ANKH: variants seen among roughly 807,000 people sequenced by gnomAD.
ANKH encodes the protein mineralization regulator ANKH.
Under a neutral mutation model 49.0 loss-of-function variants are expected in ANKH, and 15 were observed. The ratio of observed to expected loss-of-function variants is 0.31; its 90% confidence interval spans 0.20 to 0.47. ANKH has a LOEUF of 0.47. Ranked by LOEUF, ANKH falls within the 20% of genes least tolerant of loss-of-function variation. The pLI is 1.00. For synonymous variants in ANKH, 273 were observed against 260.0 expected (o/e 1.05, Z -0.48); for missense variants, 429 against 652.0 (o/e 0.66, Z 3.72).
At chr5:14,816,810 A>G (rs1483924330) in intron 1 of ANKH, among the ~76,000 whole-genome samples, 2 of 152,192 alleles carry the variant, frequency 1.3e-5, no homozygotes, top group Non-Finnish European at 2.9e-5. Context: ...AGCTTTGGCC[A>G]GGATGAACAC....
chr5:14,843,238 C>A (rs1369576404), intron 1 of ANKH, among the ~76,000 whole-genome samples: 2 of 148,564 alleles, frequency 1.3e-5, no homozygotes, highest in Non-Finnish European at 3.0e-5. Context: ...TGCAATGGCA[C>A]AATTTTGGCT....
At chr5:14,774,169 C>T (rs1489071405) in intron 1 of ANKH, among the ~76,000 whole-genome samples, 1 of 152,178 alleles carries the variant, frequency 6.6e-6, no homozygotes, top group East Asian at 1.9e-4. Context: ...TCTTTTGATA[C>T]CAGAAACATT....
rs564580056 is a variant in ANKH at position 14,743,698 on chromosome 5, C to T, written c.916-1776G>A. 2.0e-3 allele frequency among the ~76,000 whole-genome samples: 309 copies of T among 152,292 alleles called. 1 individual carries two copies. Among genetic ancestry groups the T allele is most frequent in the African/African-American group, 7.1e-3 (295 of 41,558 alleles). On this transcript the variant is annotated intron_variant, in intron 7 of 11. Coordinates refer to ENST00000284268, the MANE Select transcript of ANKH (RefSeq NM_054027.6). Reference sequence around the variant, plus strand: ...GGTGCCTAAGATTTTGGTGAATAGACGGCATTCATATAAATGGCTGGTGTA... The same window carrying T: ...GGTGCCTAAGATTTTGGTGAATAGATGGCATTCATATAAATGGCTGGTGTA...
intron 1 of ANKH, among the ~76,000 whole-genome samples, chr5:14,793,005 T>TAAAAATATATATATATATAA (rs1554006416): frequency 1.7e-5 from 1 of 60,292 alleles, no homozygotes; most frequent in East Asian, 3.0e-4. Context: ...TATATATATA[T>TAAAAATATATATATATATAA]AAATATATAT....
At chr5:14,858,600 C>T (rs1580121886) in intron 1 of ANKH, among the ~76,000 whole-genome samples, 2 of 152,124 alleles carry the variant, frequency 1.3e-5, no homozygotes, top group Middle Eastern at 6.8e-3. Context: ...CCTGTAGTCC[C>T]AGCTACTCGG....
intron 1 of ANKH, among the ~76,000 whole-genome samples, chr5:14,812,117 T>TAAAAA (rs55728743): frequency 2.4e-5 from 3 of 126,532 alleles, no homozygotes; most frequent in African/African-American, 6.0e-5. Context: ...GTATTTATCT[T>TAAAAA]AAAAAAAAAA....
At chr5:14,847,594 C>T (rs1357358180) in intron 1 of ANKH, among the ~76,000 whole-genome samples, 1 of 152,200 alleles carries the variant, frequency 6.6e-6, no homozygotes, top group Admixed American at 6.5e-5. Context: ...TTAGTAAAAA[C>T]TGCATGGGGC....
intron 1 of ANKH, among the ~76,000 whole-genome samples, chr5:14,804,638 T>TA (rs1166567128): frequency 6.6e-6 from 1 of 152,200 alleles, no homozygotes; most frequent in African/African-American, 2.4e-5. Flanking sequence ...GAAAATAGAA[T>TA]AAAATGTTGT....
intron 1 of ANKH, among the ~76,000 whole-genome samples, chr5:14,772,869 G>A (rs972782999): frequency 6.6e-6 from 1 of 152,182 alleles, no homozygotes; most frequent in Admixed American, 6.5e-5. Flanking sequence ...ATTATGCATC[G>A]GTGAAACTCA....
At chr5:14,852,028 T>C (rs920725837) in intron 1 of ANKH, among the ~76,000 whole-genome samples, 3 of 152,234 alleles carry the variant, frequency 2.0e-5, no homozygotes, top group Non-Finnish European at 2.9e-5. Flanking sequence ...ACACCTATAA[T>C]TCCAGCACTT....
chr5:14,742,363 C>T (rs1738388194), intron 7 of ANKH, among the ~76,000 whole-genome samples: 1 of 152,240 alleles, frequency 6.6e-6, no homozygotes, highest in Non-Finnish European at 1.5e-5. Flanking sequence ...ATAAATTCCA[C>T]TGGGCATTCA....
intron 1 of ANKH, among the ~76,000 whole-genome samples, chr5:14,817,337 A>G (rs555929497): frequency 4.6e-5 from 7 of 152,324 alleles, no homozygotes; most frequent in East Asian, 1.9e-4. Context: ...ACTGCTAAAC[A>G]TGAGTGGAAA....
In ANKH at chr5:14,705,429, A is replaced by G. The variant is rs145549693; in HGVS notation, c.*5768T>C. The G allele has an allele frequency of 2.0e-4, 30 of 152,370 alleles. No individual in the cohort carries two copies. The East Asian group carries it at 4.4e-3, about 22-fold the overall frequency. The allele number at this position is 152,370 out of a possible 1,614,324, so 9.4% of individuals were successfully genotyped here. ...GTTAGATCAGGAAGGGGCCTTAGCA[A>G]TAATGGCTCAAGCCTCCCATTGGAC... On this transcript the variant is annotated 3_prime_UTR_variant, in exon 12 of 12. Coordinates refer to ENST00000284268, the MANE Select transcript of ANKH (RefSeq NM_054027.6).
intron 1 of ANKH, among the ~76,000 whole-genome samples, chr5:14,771,820 C>A (rs1739437213): frequency 6.7e-6 from 1 of 148,858 alleles, no homozygotes; most frequent in South Asian, 2.1e-4. Context: ...ACTCGGGAGG[C>A]TGAGAGTCAC....
chr5:14,803,425 A>G (rs1740620451), intron 1 of ANKH, among the ~76,000 whole-genome samples: 1 of 151,930 alleles, frequency 6.6e-6, no homozygotes, highest in South Asian at 2.1e-4. Context: ...GACTACAGGC[A>G]CGCACCACCA....
At chr5:14,840,191 T>C (rs1316922193) in intron 1 of ANKH, among the ~76,000 whole-genome samples, 1 of 152,228 alleles carries the variant, frequency 6.6e-6, no homozygotes, top group Non-Finnish European at 1.5e-5. Context: ...AGAGATCCAA[T>C]GCTCTTCTAT....
intron 9 of ANKH, among the ~76,000 whole-genome samples, chr5:14,714,602 T>C (rs1213536335): frequency 6.6e-6 from 1 of 152,156 alleles, no homozygotes; most frequent in Non-Finnish European, 1.5e-5. Context: ...TGTCCTGCCT[T>C]CCTCTGGGTG....
chr5:14,866,807 AC>A (rs1735658362), intron 1 of ANKH, among the ~76,000 whole-genome samples: 1 of 152,166 alleles, frequency 6.6e-6, no homozygotes, highest in African/African-American at 2.4e-5. Flanking sequence ...CTTAAAATGA[AC>A]TTCTTGGTCA....
intron 4 of ANKH, among the ~76,000 whole-genome samples, chr5:14,751,904 A>G (rs35413980): frequency 0.1 from 15,955 of 152,222 alleles, 1,174 homozygotes; most frequent in African/African-American, 0.19. Flanking sequence ...GGACACTCAG[A>G]TGTGTATGTA....
Sources: gnomAD v4.1 joint callset for allele counts (sites outside exome capture counted in the v4.1 genomes callset) on GRCh38, gnomAD v4.1.1 for gene constraint, MANE v1.5 for transcripts, NCBI Gene and HGNC (gene_info 2026-07-23, HGNC 2026-07-21) for gene names.